Variants in ALLC observed in about 807,000 individuals in gnomAD.
ALLC encodes the protein probable inactive allantoicase.
ALLC carries 40 observed loss-of-function variants against 45.0 expected under a neutral mutation model. The observed-to-expected ratio is 0.89, with a 90% CI of 0.69 to 1.16. The LOEUF is 1.16. Among genes scored for constraint, ALLC ranks in the 50% most tolerant of loss-of-function variants. The pLI is 0.00. For synonymous variants in ALLC, 176 were observed against 178.1 expected (o/e 0.99, Z 0.09); for missense variants, 488 against 493.1 (o/e 0.99, Z 0.10).
At chr2:3,678,412 G>C (rs1667081669) in intron 3 of ALLC, 56 bp from the exon 4 acceptor site, 2 of 1,473,688 alleles carry the variant, frequency 1.4e-6, no homozygotes, top group Non-Finnish European at 1.9e-6. Context: ...GGACTTGCTG[G>C]AAGCCAGGAG....
intron 3 of ALLC, among the ~76,000 whole-genome samples, chr2:3,677,531 A>G (rs10196986): frequency 0.25 from 38,570 of 152,256 alleles, 6,049 homozygotes; most frequent in African/African-American, 0.45. Context: ...GACAACAGCC[A>G]GAGGCGGTCA....
At chr2:3,655,143 A>G (rs11902059), upstream of ALLC, among the ~76,000 whole-genome samples, 8,634 of 152,312 alleles carry the variant, frequency 0.057, 356 homozygotes, top group East Asian at 0.21. Context: ...GGCAGGTTGC[A>G]CCATGACAGC....
chr2:3,658,099 G>A (rs1394329708), upstream of ALLC: 1 of 152,470 alleles, frequency 6.6e-6, no homozygotes, highest in Non-Finnish European at 1.5e-5. Context: ...TCCGGGGAGG[G>A]GCTGCTCCCC....
intron 1 of ALLC, among the ~76,000 whole-genome samples, chr2:3,661,698 G>C (rs571184754): frequency 1.3e-5 from 2 of 152,232 alleles, no homozygotes; most frequent in African/African-American, 4.8e-5. Flanking sequence ...CACTTTGGTG[G>C]TGACTGATAA....
chr2:3,662,787 T>C (rs1341418524), intron 1 of ALLC, among the ~76,000 whole-genome samples: 1 of 152,174 alleles, frequency 6.6e-6, no homozygotes, highest in Admixed American at 6.5e-5. Context: ...AATCCAAATT[T>C]CAGTGTCCAT....
intron 10 of ALLC, among the ~76,000 whole-genome samples, chr2:3,699,557 A>G (rs897872900): frequency 4.6e-5 from 7 of 152,308 alleles, no homozygotes; most frequent in Non-Finnish European, 8.8e-5. Flanking sequence ...TTCTGTTTTT[A>G]GTTCTTTGAG....
chr2:3,653,038 G>T, the ALLC span, among the ~76,000 whole-genome samples: 3 of 152,224 alleles, frequency 2.0e-5, no homozygotes, highest in Non-Finnish European at 2.9e-5. The surrounding 1 kb of genome is among the most constrained non-coding windows in gnomAD (Gnocchi z 4.1). Context: ...GGTCTCCAGT[G>T]CATCAGCTGG....
At position 3,676,430 on chromosome 2, in the gene ALLC, C is replaced by T. The variant is rs73140827; in HGVS notation, c.85-2038C>T. Among the ~76,000 whole-genome samples the T allele has an allele frequency of 4.2e-3, 635 of 152,196 alleles. 11 individuals carry two copies. The highest frequency in any genetic ancestry group is 0.015 in the African/African-American group (604 of 41,516). ...GACTACAGGCATACTCCACTGTGCC[C>T]AGCGAATTTTTAAATTTTTTGTAGA... is the stretch of plus-strand genomic sequence containing the variant. On this transcript the variant is annotated intron_variant, in intron 3 of 11. Transcript: ENST00000252505.
At chr2:3,702,266 G>C in intron 11 of ALLC, 97 bp from the exon 12 acceptor site, 1 of 1,013,828 alleles carries the variant, frequency 9.9e-7, no homozygotes, top group African/African-American at 1.7e-5. Flanking sequence ...AGCCCCTTCG[G>C]TTAAGTCTAA....
intron 7 of ALLC, 105 bp from the exon 8 acceptor site, chr2:3,695,612 A>G (rs1490923082): frequency 1.5e-6 from 2 of 1,374,708 alleles, no homozygotes; most frequent in South Asian, 1.3e-5. Context: ...GGTGTGGCCA[A>G]AGCCTACCAA....
chr2:3,656,650 C>T (rs35398536), upstream of ALLC, among the ~76,000 whole-genome samples: 33,481 of 152,220 alleles, frequency 0.22, 4,897 homozygotes, highest in African/African-American at 0.41. Context: ...GCAGCCCCAG[C>T]ATCGCCCTGG....
chr2:3,695,474 G>C (rs555296116), intron 7 of ALLC: 1 of 468,848 alleles, frequency 2.1e-6, no homozygotes, highest in African/African-American at 2.0e-5. Context: ...CTTTTCTGAG[G>C]CCATGCCTTT....
rs1667136872 is a variant in ALLC at position 3,680,067 on chromosome 2, CA to C, written c.298+75del. ...GCTCCTCTGGCCAGCCACAGCCCCA[CA>C]ACTGCTCACTTTCCCTACCACCCAG... On this transcript the variant is annotated intron_variant, in intron 5 of 11. Transcript: ENST00000252505. This position sits in a 1 kb window ranked among gnomAD's most constrained non-coding sequence, Gnocchi z 4.0. The C allele has an allele frequency of 1.3e-6, 2 of 1,590,762 alleles. No individual in the cohort carries two copies. Among genetic ancestry groups the C allele is most frequent in the African/African-American group, 2.7e-5 (2 of 74,450 alleles).
chr2:3,648,879 G>T, the ALLC span, among the ~76,000 whole-genome samples: 123 of 152,336 alleles, frequency 8.1e-4, no homozygotes, highest in African/African-American at 2.8e-3. Context: ...CTCATTGGTG[G>T]AGTGAATGAT....
intron 10 of ALLC, among the ~76,000 whole-genome samples, 152 bp downstream of exon 10, chr2:3,697,608 ACT>A (rs1436541475): frequency 7.7e-6 from 1 of 129,788 alleles, no homozygotes; most frequent in Admixed American, 7.4e-5. Context: ...AACCCTTAGA[ACT>A]CTGTCTGTCT....
At chr2:3,670,903 C>G (rs185612569) in intron 1 of ALLC, among the ~76,000 whole-genome samples, 193 bp from the exon 2 acceptor site, 3 of 143,566 alleles carry the variant, frequency 2.1e-5, no homozygotes, top group Non-Finnish European at 4.6e-5. Flanking sequence ...CCCGTTTCAG[C>G]GTGTTTAAGC....
At chr2:3,689,205 T>G (rs2148013799) in intron 7 of ALLC, among the ~76,000 whole-genome samples, 2 of 151,162 alleles carry the variant, frequency 1.3e-5, no homozygotes, top group South Asian at 4.2e-4. Flanking sequence ...ATTATTTTAG[T>G]TGCCATTTAT....
intron 7 of ALLC, among the ~76,000 whole-genome samples, chr2:3,686,279 G>T (rs536108669): frequency 3.9e-4 from 59 of 150,532 alleles, no homozygotes; most frequent in African/African-American, 1.4e-3. Context: ...AGAATGAGTT[G>T]GCTGTAAATG....
At chr2:3,700,256 T>G (rs6725893) in intron 10 of ALLC, among the ~76,000 whole-genome samples, 20,426 of 152,210 alleles carry the variant, frequency 0.13, 1,751 homozygotes, top group African/African-American at 0.25. Flanking sequence ...TGAATTGGGA[T>G]TCATTTCCCC....
Sources: gnomAD v4.1 joint callset for allele counts (sites outside exome capture counted in the v4.1 genomes callset) on GRCh38, gnomAD v4.1.1 for gene constraint, Gnocchi (gnomAD v3.1) non-coding constraint, MANE v1.5 for transcripts, NCBI Gene and HGNC (gene_info 2026-07-23, HGNC 2026-07-21) for gene names.